The following VTCN1 variants were observed in gnomAD, a reference collection of about 807,000 sequenced individuals.
VTCN1 encodes the protein V-set domain-containing T-cell activation inhibitor 1.
Under a neutral mutation model 26.5 loss-of-function variants are expected in VTCN1, and 26 were observed. The ratio of observed to expected loss-of-function variants is 0.98; its 90% CI spans 0.72 to 1.36. The LOEUF (loss-of-function observed/expected upper bound fraction) is 1.36, where lower values mean the gene tolerates loss of function less well. Among genes scored for constraint, VTCN1 ranks in the 40% most tolerant of loss-of-function variants. VTCN1 has a pLI of 0.00. For synonymous variants in VTCN1, 116 were observed against 130.7 expected, an observed-to-expected ratio of 0.89 and a Z score of 0.77; for missense variants, 298 against 337.7, an observed-to-expected ratio of 0.88 and a Z score of 0.92.
chr1:117,186,575 T>C (rs1194316857), intron 1 of VTCN1, among the ~76,000 whole-genome samples: 4 of 152,216 alleles, frequency 2.6e-5, no homozygotes, highest in Non-Finnish European at 5.9e-5. Context: ...GAACTAGTTA[T>C]TGTGAAGGAA....
chr1:117,154,460 A>G (rs947901073), intron 3 of VTCN1, among the ~76,000 whole-genome samples: 1 of 152,246 alleles, frequency 6.6e-6, no homozygotes, highest in African/African-American at 2.4e-5. Context: ...TCTAATGTCA[A>G]CATCTTAACC....
intron 1 of VTCN1, among the ~76,000 whole-genome samples, chr1:117,186,632 G>A (rs1168425530): frequency 6.6e-6 from 1 of 152,208 alleles, no homozygotes; most frequent in Non-Finnish European, 1.5e-5. Context: ...GAGAGGGTAG[G>A]TATAATGGAT....
intron 1 of VTCN1, among the ~76,000 whole-genome samples, chr1:117,197,518 C>T (rs2101593517): frequency 6.6e-6 from 1 of 152,238 alleles, no homozygotes. Flanking sequence ...AGGGAGTATA[C>T]TGAGTAAACG....
chr1:117,182,895 T>A (rs1411185259), intron 1 of VTCN1, among the ~76,000 whole-genome samples: 1 of 152,144 alleles, frequency 6.6e-6, no homozygotes, highest in Non-Finnish European at 1.5e-5. Flanking sequence ...TTGGTTGCCA[T>A]TCTGACCCAC....
chr1:117,168,157 T>C (rs1422711555), intron 2 of VTCN1, among the ~76,000 whole-genome samples: 3 of 152,084 alleles, frequency 2.0e-5, no homozygotes, highest in Non-Finnish European at 4.4e-5. Context: ...TTCAGAAACT[T>C]GGTTGAGAGA....
rs1383550278 is a variant in VTCN1 at position 117,157,072 on chromosome 1, A to T, written c.98-151T>A. 4.6e-6 allele frequency: 6 copies of T among 1,290,498 alleles called. No individual in the cohort carries two copies. The East Asian group carries it at 1.2e-4, about 25-fold the overall frequency. 79.9% of individuals were successfully genotyped at this position (1,290,498 alleles called of 1,614,324 possible). On this transcript the variant is annotated intron_variant, in intron 2 of 5. Transcript: ENST00000369458. ...GCAATAAGAAGACAAGAAGAGAAAG[A>T]GCAGGAAGACAATCATTTTGATATA...
intron 1 of VTCN1, among the ~76,000 whole-genome samples, chr1:117,193,728 A>G (rs1648364616): frequency 6.6e-6 from 1 of 152,190 alleles, no homozygotes. Flanking sequence ...GTAGGCCTCA[A>G]TAATTCTACA....
intron 3 of VTCN1, among the ~76,000 whole-genome samples, chr1:117,153,877 T>C (rs1415250323): frequency 6.6e-6 from 1 of 152,184 alleles, no homozygotes; most frequent in African/African-American, 2.4e-5. Flanking sequence ...TGGAGTTTGC[T>C]TGGGTAGAGA....
At chr1:117,163,120 AC>A (rs1392743154) in intron 2 of VTCN1, among the ~76,000 whole-genome samples, 1 of 152,208 alleles carries the variant, frequency 6.6e-6, no homozygotes. Context: ...GCCAAAGAAG[AC>A]GGTGGGGTGG....
intron 1 of VTCN1, among the ~76,000 whole-genome samples, chr1:117,174,079 TAGAA>T (rs1653071219): frequency 6.6e-6 from 1 of 152,238 alleles, no homozygotes; most frequent in Non-Finnish European, 1.5e-5. Context: ...ATTAATTTTT[TAGAA>T]AGATGAAAAA....
At chr1:117,191,572 C>T (rs1213405220) in intron 1 of VTCN1, among the ~76,000 whole-genome samples, 6 of 152,140 alleles carry the variant, frequency 3.9e-5, no homozygotes, top group East Asian at 1.9e-4. Flanking sequence ...CACCTGAGGT[C>T]GGGAGTTTGA....
At chr1:117,163,826 A>G (rs1024903149) in intron 2 of VTCN1, among the ~76,000 whole-genome samples, 2 of 152,194 alleles carry the variant, frequency 1.3e-5, no homozygotes, top group Admixed American at 1.3e-4. Flanking sequence ...AAACCACAAA[A>G]TAAGTGTAAG....
In VTCN1 at chr1:117,161,793, T is replaced by C. The variant is rs1460660245; in HGVS notation, c.98-4872A>G. Among the ~76,000 whole-genome samples the C allele has an allele frequency of 1.3e-5, 2 of 152,174 alleles. No individual in the cohort carries two copies. Among genetic ancestry groups the C allele is most frequent in the Admixed American group, 1.3e-4 (2 of 15,264 alleles). The stretch of plus-strand genomic sequence containing the variant: ...AATAAAAATACTGAGAGGTTCACAA[T>C]AAAATCATGAATCAAATACAACTAT... On this transcript the variant is annotated intron_variant, in intron 2 of 5. Transcript: ENST00000369458. This position sits in a 1 kb window ranked among gnomAD's most constrained non-coding sequence, Gnocchi z 4.3.
chr1:117,177,559 C>G (rs140422380), intron 1 of VTCN1, among the ~76,000 whole-genome samples: 1 of 152,242 alleles, frequency 6.6e-6, no homozygotes, highest in African/African-American at 2.4e-5. Context: ...CCTGCTCCAT[C>G]AACATGGCAG....
intron 1 of VTCN1, among the ~76,000 whole-genome samples, chr1:117,179,756 T>C (rs922840724): frequency 6.6e-6 from 1 of 152,226 alleles, no homozygotes; most frequent in African/African-American, 2.4e-5. Flanking sequence ...CTAAAACCTT[T>C]GTTAATCATA....
rs1247094223 is a variant in VTCN1 at position 117,175,561 on chromosome 1, T to C, written c.33-5390A>G. 6.6e-6 allele frequency among the ~76,000 whole-genome samples: 1 copy of C among 152,218 alleles called. No individual in the cohort carries two copies. The highest frequency in any genetic ancestry group is 1.5e-5 in the Non-Finnish European group (1 of 68,042). ...AAGCTTTTCCCACTGAAGTTCTCAT[T>C]CTATTCTGCTATTTCAACTCTCCTT... On this transcript the variant is annotated intron_variant, in intron 1 of 5. Coordinates refer to ENST00000369458, the MANE Select transcript of VTCN1 (RefSeq NM_024626.4). The surrounding 1 kb of genome is among the most constrained non-coding windows in gnomAD (Gnocchi z 4.2).
intron 4 of VTCN1, among the ~76,000 whole-genome samples, chr1:117,150,940 A>T (rs935705067): frequency 1.3e-5 from 2 of 152,192 alleles, no homozygotes; most frequent in Non-Finnish European, 2.9e-5. Context: ...ATAGCATATG[A>T]TAGGATTTCC....
At position 117,156,817 on chromosome 1, in the gene VTCN1, C is replaced by G; in HGVS notation, c.202G>C (p.Val68Leu). ...ACACCTTCCTTCAGCCATTGTATCA[C>G]GATATCAGAAAGTTTGATGTCAGGT... ...FEPDIKLSDI[V>L]IQWLKEGVLG... is the part of the protein sequence containing the mutation. The change falls in exon 3 of 6, where the codon GTG (valine) becomes CTG (leucine). Residue 68 changes from valine to leucine, a missense_variant. Transcript: ENST00000369458. The G allele has an allele frequency of 6.2e-7, 1 of 1,614,034 alleles. No individual in the cohort carries two copies. The highest frequency in any genetic ancestry group is 8.5e-7 in the Non-Finnish European group (1 of 1,180,022).
chr1:117,192,505 T>C (rs1204263858), intron 1 of VTCN1, among the ~76,000 whole-genome samples: 1 of 152,196 alleles, frequency 6.6e-6, no homozygotes, highest in Non-Finnish European at 1.5e-5. Flanking sequence ...AATACTCTAG[T>C]TCTGTAACTG....
Sources: gnomAD v4.1 joint callset for allele counts (sites outside exome capture counted in the v4.1 genomes callset) on GRCh38, gnomAD v4.1.1 for gene constraint, Gnocchi (gnomAD v3.1) non-coding constraint, MANE v1.5 for transcripts, NCBI Gene and HGNC (gene_info 2026-07-23, HGNC 2026-07-21) for gene names.